NRG3: variants seen among roughly 807,000 people sequenced by gnomAD.
The protein encoded by NRG3 is pro-neuregulin-3, membrane-bound isoform.
A neutral mutation model predicts 66.9 loss-of-function variants in NRG3; 31 were observed. That is an observed-to-expected ratio of 0.46 (90% confidence interval 0.35 to 0.63). NRG3 has a LOEUF of 0.63. Among genes scored for constraint, NRG3 ranks in the 20% least tolerant of loss-of-function variants. The pLI, the probability that NRG3 is intolerant of heterozygous loss-of-function variation, is 0.00. For synonymous variants in NRG3, 393 were observed against 359.4 expected (o/e 1.09, Z -1.06); for missense variants, 910 against 878.9 (o/e 1.04, Z -0.45).
chr10:82,749,093 T>C (rs1255267217), intron 3 of NRG3, among the ~76,000 whole-genome samples: 2 of 152,136 alleles, frequency 1.3e-5, no homozygotes, highest in African/African-American at 2.4e-5. Flanking sequence ...TGTGTAAAAC[T>C]TGAGGGCTTG....
chr10:82,876,275 T>C (rs1383418771), intron 4 of NRG3, among the ~76,000 whole-genome samples: 10 of 151,758 alleles, frequency 6.6e-5, no homozygotes, highest in Admixed American at 6.6e-4. Context: ...ATATGGACTT[T>C]AGCAAAATCT....
chr10:82,803,494 A>G (rs2061140739), intron 3 of NRG3, among the ~76,000 whole-genome samples: 1 of 152,234 alleles, frequency 6.6e-6, no homozygotes, highest in Non-Finnish European at 1.5e-5. Flanking sequence ...TGTTAGTTCA[A>G]TAATCTCATT....
chr10:82,702,755 G>T, intron 2 of NRG3, among the ~76,000 whole-genome samples: 1 of 152,110 alleles, frequency 6.6e-6, no homozygotes, highest in East Asian at 1.9e-4. Context: ...TTCCTTGAGT[G>T]ATCCAGATGT....
At chr10:82,822,196 C>G (rs2061981003) in intron 3 of NRG3, among the ~76,000 whole-genome samples, 1 of 152,126 alleles carries the variant, frequency 6.6e-6, no homozygotes, top group Admixed American at 6.5e-5. Context: ...AGAGAAGTTT[C>G]CAGCAGGAAC....
chr10:82,718,609 T>G (rs1437018972), intron 2 of NRG3, among the ~76,000 whole-genome samples: 1 of 152,156 alleles, frequency 6.6e-6, no homozygotes, highest in Non-Finnish European at 1.5e-5. Flanking sequence ...ATCTCCATTT[T>G]CCATATTTAA....
chr10:82,409,467 T>C (rs1048241324), intron 2 of NRG3, among the ~76,000 whole-genome samples: 1 of 141,984 alleles, frequency 7.0e-6, no homozygotes, highest in African/African-American at 2.9e-5. Flanking sequence ...AAACAAAGAG[T>C]CTAATGAATC....
At chr10:82,283,845 T>C (rs572520221) in intron 1 of NRG3, among the ~76,000 whole-genome samples, 27 of 152,266 alleles carry the variant, frequency 1.8e-4, no homozygotes, top group Admixed American at 1.6e-3. Flanking sequence ...TGTTTTATCT[T>C]TGAATTTTTG....
intron 4 of NRG3, among the ~76,000 whole-genome samples, chr10:82,923,887 AG>A (rs1177442902): frequency 1.3e-5 from 2 of 151,900 alleles, no homozygotes; most frequent in Non-Finnish European, 2.9e-5. Flanking sequence ...GCTTGAGGTT[AG>A]GAGTTCAAGA....
chr10:82,324,957 A>T (rs1372071612), intron 1 of NRG3, among the ~76,000 whole-genome samples: 2 of 152,142 alleles, frequency 1.3e-5, no homozygotes, highest in African/African-American at 4.8e-5. Flanking sequence ...CTATATCTCC[A>T]CTGATTTGCT....
chr10:81,945,478 C>T (rs956339445), intron 1 of NRG3, among the ~76,000 whole-genome samples: 3 of 152,056 alleles, frequency 2.0e-5, no homozygotes, highest in South Asian at 2.1e-4. Context: ...TTTTAAATTG[C>T]GATTTTGCCC....
intron 2 of NRG3, among the ~76,000 whole-genome samples, chr10:82,420,717 CT>C (rs2088998783): frequency 6.6e-6 from 1 of 152,060 alleles, no homozygotes; most frequent in African/African-American, 2.4e-5. Flanking sequence ...TATAAACCTG[CT>C]TAATAATTTT....
intron 2 of NRG3, among the ~76,000 whole-genome samples, chr10:82,452,788 G>C (rs576991612): frequency 6.6e-6 from 1 of 151,878 alleles, no homozygotes; most frequent in East Asian, 1.9e-4. Context: ...TATCACATTT[G>C]TCATATAACT....
intron 3 of NRG3, among the ~76,000 whole-genome samples, chr10:82,857,591 AT>A (rs1472428877): frequency 1.3e-5 from 2 of 152,200 alleles, no homozygotes; most frequent in Non-Finnish European, 1.5e-5. Flanking sequence ...AAACAGGATG[AT>A]TTTGTGTAAA....
At chr10:82,126,342 G>A (rs2068447439) in intron 1 of NRG3, among the ~76,000 whole-genome samples, 1 of 151,834 alleles carries the variant, frequency 6.6e-6, no homozygotes, top group Non-Finnish European at 1.5e-5. Flanking sequence ...CTACAAACAT[G>A]TAGAACAAAC....
At chr10:82,236,012 A>G (rs1334967101) in intron 1 of NRG3, among the ~76,000 whole-genome samples, 1 of 152,014 alleles carries the variant, frequency 6.6e-6, no homozygotes, top group African/African-American at 2.4e-5. Flanking sequence ...ACAGACACAC[A>G]CACACATACA....
At chr10:82,000,383 C>T (rs2061116241) in intron 1 of NRG3, among the ~76,000 whole-genome samples, 1 of 151,772 alleles carries the variant, frequency 6.6e-6, no homozygotes, top group East Asian at 1.9e-4. Context: ...TTCTTGGCCA[C>T]ATAATGTCAT....
intron 2 of NRG3, among the ~76,000 whole-genome samples, chr10:82,502,827 A>G (rs1163144717): frequency 6.6e-6 from 1 of 152,224 alleles, no homozygotes; most frequent in Non-Finnish European, 1.5e-5. Context: ...TGGAGAAACT[A>G]CTTTTCCCTA....
chr10:82,382,214 T>A (rs1410355302), intron 2 of NRG3, among the ~76,000 whole-genome samples: 1 of 152,098 alleles, frequency 6.6e-6, no homozygotes, highest in Non-Finnish European at 1.5e-5. Flanking sequence ...TTACTATTAA[T>A]TGCTTTGCCT....
intron 1 of NRG3, among the ~76,000 whole-genome samples, chr10:82,302,591 G>C (rs1179338360): frequency 6.6e-6 from 1 of 151,970 alleles, no homozygotes; most frequent in Non-Finnish European, 1.5e-5. Flanking sequence ...AAACATGAAA[G>C]GGCAATACAA....
Sources: gnomAD v4.1 joint callset for allele counts (sites outside exome capture counted in the v4.1 genomes callset) on GRCh38, gnomAD v4.1.1 for gene constraint, MANE v1.5 for transcripts, NCBI Gene and HGNC (gene_info 2026-07-23, HGNC 2026-07-21) for gene names.